RIF1: variants seen among roughly 807,000 people sequenced by gnomAD.
RIF1 encodes replication timing regulatory factor 1, also known as telomere-associated protein RIF1.
A neutral mutation model predicts 247.1 loss-of-function variants in RIF1; 45 were observed. The ratio of observed to expected loss-of-function variants is 0.18; its 90% CI spans 0.14 to 0.23. RIF1 has a LOEUF of 0.23. RIF1 is among the 10% of genes least tolerant of loss of function. The pLI is 1.00. For synonymous variants in RIF1, 1,087 were observed against 978.8 expected, an observed-to-expected ratio of 1.11 and a Z score of -2.06; for missense variants, 2,967 against 2,862.5, an observed-to-expected ratio of 1.04 and a Z score of -0.83.
At position 151,436,836 on chromosome 2, in the gene RIF1, C is replaced by T. The variant is rs774365716; in HGVS notation, c.1205C>T (p.Ser402Phe). The change falls in exon 12 of 36, where the codon TCC (serine) becomes TTC (phenylalanine). Residue 402 changes from serine (S) to phenylalanine (F), a missense_variant. Ser to Phe is a radical substitution (Grantham distance 155, BLOSUM62 -2). This residue lies in a region of RIF1 where 369 missense variants were observed against 322.0 expected (regional missense o/e 1.15). Transcript: ENST00000444746. ...PMTPVHKGASSPYGAPGTPRM... is the reference protein window; with the variant it reads ...PMTPVHKGASFPYGAPGTPRM... ...TTTTTTTTTCTTAAAGGTGCTTCCT[C>T]CCCGTACGGAGCCCCGGGAACTCCC... is the stretch of plus-strand genomic sequence containing the variant. 14 of 1,593,460 alleles carry T rather than the reference C, an allele frequency of 8.8e-6. No homozygotes were observed. The highest frequency in any genetic ancestry group is 1.8e-5 in the Admixed American group (1 of 55,986).
intron 22 of RIF1, among the ~76,000 whole-genome samples, chr2:151,455,625 A>G (rs1421869610): frequency 6.6e-6 from 1 of 151,160 alleles, no homozygotes; most frequent in Non-Finnish European, 1.5e-5. Flanking sequence ...TTTACATTGT[A>G]TTAGATATTA....
chr2:151,454,385 T>TA (rs1694852198), intron 21 of RIF1, among the ~76,000 whole-genome samples: 1 of 152,190 alleles, frequency 6.6e-6, no homozygotes, highest in Non-Finnish European at 1.5e-5. Flanking sequence ...ATAGTAGACT[T>TA]ACTGCATTCT....
chr2:151,441,687 T>C (rs990267877), intron 15 of RIF1, among the ~76,000 whole-genome samples: 1 of 152,248 alleles, frequency 6.6e-6, no homozygotes, highest in Non-Finnish European at 1.5e-5. Flanking sequence ...TTAAAGACTT[T>C]ACCTGCTTTT....
chr2:151,448,361 T>C (rs530339089), intron 20 of RIF1, among the ~76,000 whole-genome samples: 17 of 152,276 alleles, frequency 1.1e-4, no homozygotes, highest in African/African-American at 4.1e-4. Context: ...ACAGTTCTTA[T>C]TGTAAAAGAT....
Position 151,421,753 on chromosome 2 carries a change from G to T in RIF1, c.694-1197G>T, listed in dbSNP as rs117818855. ...ACTTGCTTAAAATGCAGAAGACTTC[G>T]TGGTAATGTTCAGTATGACACAGTA... is the stretch of plus-strand genomic sequence containing the variant. On this transcript the variant is annotated intron_variant, in intron 7 of 35. Transcript: ENST00000444746. 2.3e-3 allele frequency among the ~76,000 whole-genome samples: 350 copies of T among 152,146 alleles called. 9 individuals are homozygous for T. In the East Asian group the frequency reaches 0.045, roughly 20 times the overall value.
chr2:151,504,427 A>T (rs2067174369), intron 12 of RIF1, among the ~76,000 whole-genome samples: 1 of 152,240 alleles, frequency 6.6e-6, no homozygotes, highest in Non-Finnish European at 1.5e-5. Flanking sequence ...AAAGTGACAA[A>T]GGAGCCTAGG....
rs139376582 is a variant in RIF1 at position 151,506,074 on chromosome 2, T to G, written c.*862-136T>G. 2.6e-3 allele frequency: 2,848 copies of G among 1,098,966 alleles called. 53 individuals are homozygous for G. In the South Asian group the frequency reaches 0.027, roughly 10 times the overall value. 68.1% of individuals were successfully genotyped at this position (1,098,966 alleles called of 1,614,324 possible). On this transcript the variant is annotated intron_variant and NMD_transcript_variant, in intron 12 of 13. Transcript: ENST00000454583. ...CTATTTTAGCAATATAAGCTGTTTC[T>G]GGTGACAGAGGCTTTGAGTGCAACT... is the stretch of plus-strand genomic sequence containing the variant.
intron 13 of RIF1, chr2:151,506,935 T>C: frequency 6.2e-7 from 1 of 1,609,602 alleles, no homozygotes; most frequent in Non-Finnish European, 8.5e-7. Flanking sequence ...TGATTTTCTT[T>C]TACACGCAGT....
chr2:151,470,078 A>G (rs1315986113), intron 34 of RIF1, among the ~76,000 whole-genome samples: 1 of 152,038 alleles, frequency 6.6e-6, no homozygotes, highest in Non-Finnish European at 1.5e-5. Flanking sequence ...ACCATTCGGT[A>G]TTTGATTCCA....
downstream of RIF1, chr2:151,485,684 A>G: frequency 7.2e-7 from 1 of 1,385,284 alleles, no homozygotes; most frequent in Non-Finnish European, 9.8e-7. Flanking sequence ...AACTTAGGTA[A>G]CAGTGGAGAG....
At chr2:151,413,276 G>A (rs567605206) in intron 3 of RIF1, among the ~76,000 whole-genome samples, 11 of 151,878 alleles carry the variant, frequency 7.2e-5, no homozygotes, top group South Asian at 6.3e-4. Context: ...CAGGTGATCC[G>A]CCCACCTTGG....
intron 9 of RIF1, among the ~76,000 whole-genome samples, chr2:151,430,445 C>T (rs968280670): frequency 6.6e-6 from 1 of 152,040 alleles, no homozygotes; most frequent in Admixed American, 6.6e-5. Context: ...CCTCAGCCTC[C>T]CAAGTAGCTG....
chr2:151,438,798 A>G (rs1474450132), intron 14 of RIF1, 52 bp downstream of exon 14: 1 of 1,128,522 alleles, frequency 8.9e-7, no homozygotes, highest in African/African-American at 1.5e-5. Flanking sequence ...GGTGGTGATC[A>G]GATGATTTTT....
Position 151,464,136 on chromosome 2 carries a change from G to T in RIF1, c.4616G>T (p.Arg1539Ile), listed in dbSNP as rs778230526. ...LVRGRTRYQT[R>I]RASQGLLSSI... is the part of the protein sequence containing the mutation. ...AGAGGCCGAACACGGTATCAAACTA[G>T]AAGAGCATCTCAGGGTTTGCTTTCC... The change falls in exon 30 of 36, where the codon AGA (arginine) becomes ATA (isoleucine). Residue 1539 changes from arginine to isoleucine, a missense_variant. Around this residue, in one of 7 missense-constraint regions of RIF1, gnomAD observed 2,028 missense variants for 1,825.6 expected, o/e 1.11. Transcript: ENST00000444746. 1.2e-6 allele frequency: 2 copies of T among 1,611,228 alleles called. No individual in the cohort carries two copies. Among genetic ancestry groups the T allele is most frequent in the Admixed American group, 3.4e-5 (2 of 59,362 alleles).
rs1355355554 is a variant in RIF1 at position 151,424,852 on chromosome 2, TTTTTC to T, written c.786+1811_786+1815del. On this transcript the variant is annotated intron_variant, in intron 8 of 35. Transcript: ENST00000444746. ...TTTTTTTTTTTTTTTTTTTTTTTTT[TTTTTC>T]CATATTTTTTGTAGAGACTGGGTTT... 9.9e-4 allele frequency among the ~76,000 whole-genome samples: 140 copies of T among 140,872 alleles called. 2 individuals carry two copies. In the East Asian group the frequency reaches 0.014, roughly 14 times the overall value. The allele number at this position is 140,872 out of a possible 152,430, so 92.4% of individuals were successfully genotyped here.
intron 9 of RIF1, chr2:151,490,453 C>CACCCT: frequency 6.2e-7 from 1 of 1,606,996 alleles, no homozygotes; most frequent in Non-Finnish European, 8.5e-7. Flanking sequence ...GACTTCTCCT[C>CACCCT]ACCCCCACTG....
chr2:151,511,166 G>C (rs560477170), downstream of RIF1, among the ~76,000 whole-genome samples: 23 of 152,332 alleles, frequency 1.5e-4, no homozygotes, highest in African/African-American at 5.3e-4. Context: ...GGCTGGTGAG[G>C]CTCTCACAGC....
intron 11 of RIF1, chr2:151,502,777 G>A: frequency 1.4e-6 from 2 of 1,415,800 alleles, no homozygotes; most frequent in Non-Finnish European, 2.0e-6. Flanking sequence ...TTTTTTTTTG[G>A]CCCCCTAAGA....
chr2:151,531,647 T>C, the RIF1 span: 1 of 668,680 alleles, frequency 1.5e-6, no homozygotes, highest in East Asian at 2.7e-5. Context: ...AGGAGAATCC[T>C]GTGCATAACA....
Sources: gnomAD v4.1 joint callset for allele counts (sites outside exome capture counted in the v4.1 genomes callset) on GRCh38, gnomAD v4.1.1 for gene constraint, gnomAD v4.1.1 regional missense constraint, MANE v1.5 for transcripts, NCBI Gene and HGNC (gene_info 2026-07-23, HGNC 2026-07-21) for gene names.